ZFYVE27: variants seen among roughly 807,000 people sequenced by gnomAD.
ZFYVE27 encodes the protein protrudin.
A neutral mutation model predicts 52.8 loss-of-function variants in ZFYVE27; 36 were observed. The observed-to-expected ratio is 0.68, with a 90% CI of 0.52 to 0.90. The LOEUF (loss-of-function observed/expected upper bound fraction) is 0.90. Ranked by LOEUF, ZFYVE27 falls within the 40% of genes least tolerant of loss-of-function variation. The pLI is 0.00. For missense variants in ZFYVE27, 450 were observed against 527.2 expected (o/e 0.85, Z 1.43); for synonymous variants, 223 against 215.6 (o/e 1.03, Z -0.30).
intron 4 of ZFYVE27, among the ~76,000 whole-genome samples, chr10:97,746,039 A>G (rs1392774843): frequency 1.9e-5 from 1 of 53,978 alleles, no homozygotes; most frequent in African/African-American, 9.5e-5. Flanking sequence ...ATATATATAT[A>G]TATATATATA....
chr10:97,746,035 A>G (rs1040696287), intron 4 of ZFYVE27, among the ~76,000 whole-genome samples: 59 of 54,176 alleles, frequency 1.1e-3, no homozygotes, highest in African/African-American at 4.8e-3. Flanking sequence ...ACACATATAT[A>G]TATATATATA....
intron 6 of ZFYVE27, chr10:97,750,114 T>C: frequency 1.7e-6 from 1 of 585,082 alleles, no homozygotes; most frequent in Non-Finnish European, 3.0e-6. Flanking sequence ...TATTGAGCAT[T>C]TACTACATTT....
chr10:97,744,719 G>T lies in ZFYVE27; in HGVS notation c.269-10G>T. On this transcript the variant is annotated splice_polypyrimidine_tract_variant and intron_variant, in intron 3 of 12. Coordinates refer to ENST00000684270, the MANE Select transcript of ZFYVE27 (RefSeq NM_001385875.1). ...TACCTGTGTTACCTGCAGTGTTTTT[G>T]ATTCTGCAGGTGCATGGTACTCAGT... is the stretch of plus-strand genomic sequence containing the variant. 6.2e-7 allele frequency: 1 copy of T among 1,613,060 alleles called. No individual in the cohort carries two copies. Among genetic ancestry groups the T allele is most frequent in the South Asian group, 1.1e-5 (1 of 90,816 alleles).
intron 8 of ZFYVE27, 26 bp from the exon 9 acceptor site, chr10:97,752,831 C>G: frequency 1.9e-6 from 3 of 1,613,612 alleles, no homozygotes; most frequent in Non-Finnish European, 2.5e-6. Context: ...TGTTTTCTCT[C>G]CTCTTCCCCG....
At position 97,753,076 on chromosome 10, in the gene ZFYVE27, G is replaced by T. The variant is rs747657109; in HGVS notation, c.936G>T (p.Glu312Asp). Residue 312 changes from glutamate to aspartate, a missense_variant, in exon 10 of 13, where the codon GAG becomes GAT. Coordinates refer to ENST00000684270, the MANE Select transcript of ZFYVE27 (RefSeq NM_001385875.1). ...GCGCCCCGTGCCCAGCAGAGGATGA[G>T]CTGGCCCTGCAGGACAACGGGTTCC... ...DEGAPCPAED[E>D]LALQDNGFLS... 6.2e-7 allele frequency: 1 copy of T among 1,611,894 alleles called. No individual in the cohort carries two copies.
intron 3 of ZFYVE27, among the ~76,000 whole-genome samples, chr10:97,743,419 C>T (rs774668281): frequency 5.3e-5 from 8 of 152,198 alleles, no homozygotes; most frequent in Admixed American, 3.3e-4. Context: ...ATAAAAATGA[C>T]GCTTTCCTCC....
chr10:97,750,212 T>A, intron 6 of ZFYVE27, 119 bp from the exon 7 acceptor site: 1 of 1,308,650 alleles, frequency 7.6e-7, no homozygotes, highest in Non-Finnish European at 1.1e-6. Flanking sequence ...GTTAGGAGGG[T>A]GACTCTTTCC....
intron 7 of ZFYVE27, among the ~76,000 whole-genome samples, chr10:97,750,793 G>A (rs1396658109): frequency 2.0e-5 from 3 of 151,292 alleles, no homozygotes; most frequent in African/African-American, 7.3e-5. Flanking sequence ...CAGGCTAGAG[G>A]GCAGTGGGGC....
intron 4 of ZFYVE27, among the ~76,000 whole-genome samples, 170 bp downstream of exon 4, chr10:97,745,085 G>T (rs1299273020): frequency 6.6e-6 from 1 of 152,156 alleles, no homozygotes; most frequent in Non-Finnish European, 1.5e-5. Context: ...CCATTTATGG[G>T]TAAAGAAAAA....
chr10:97,757,135 C>G, intron 10 of ZFYVE27, 130 bp from the exon 11 acceptor site: 1 of 1,314,116 alleles, frequency 7.6e-7, no homozygotes, highest in South Asian at 1.2e-5. Flanking sequence ...TGGCCTTGCT[C>G]CCTGGCTCAC....
intron 10 of ZFYVE27, among the ~76,000 whole-genome samples, chr10:97,755,696 G>C (rs1383950098): frequency 6.6e-6 from 1 of 152,194 alleles, no homozygotes; most frequent in Non-Finnish European, 1.5e-5. Flanking sequence ...TGGATGAGGG[G>C]GTGCATGGGG....
At chr10:97,746,051 A>ATATTT (rs2045313432) in intron 4 of ZFYVE27, among the ~76,000 whole-genome samples, 2 of 64,170 alleles carry the variant, frequency 3.1e-5, no homozygotes, top group African/African-American at 4.4e-5. Context: ...ATATATATAT[A>ATATTT]TTTTTTTTTT....
chr10:97,745,171 G>GTTCGTTCT (rs1554889650), intron 4 of ZFYVE27, among the ~76,000 whole-genome samples: 8,847 of 149,532 alleles, frequency 0.059, 873 homozygotes, highest in African/African-American at 0.2. Flanking sequence ...CACAGCTTCT[G>GTTCGTTCT]TTCTTTCTTT....
intron 1 of ZFYVE27, 60 bp from the exon 2 acceptor site, chr10:97,738,417 G>A: frequency 6.3e-7 from 1 of 1,583,344 alleles, no homozygotes; most frequent in Non-Finnish European, 8.7e-7. Flanking sequence ...GAATCTGTAG[G>A]TAGAATTGTG....
intron 8 of ZFYVE27, among the ~76,000 whole-genome samples, chr10:97,752,643 G>A (rs1459035381): frequency 6.6e-6 from 1 of 152,110 alleles, no homozygotes. Context: ...CACCCAGTTT[G>A]AGAAACTGTA....
intron 4 of ZFYVE27, among the ~76,000 whole-genome samples, chr10:97,747,850 A>C (rs1005600304): frequency 6.6e-6 from 1 of 152,160 alleles, no homozygotes; most frequent in African/African-American, 2.4e-5. Context: ...AAAAAACAAC[A>C]ACCAGAACTC....
chr10:97,742,705 A>G (rs964714646), intron 2 of ZFYVE27, among the ~76,000 whole-genome samples: 16 of 152,226 alleles, frequency 1.1e-4, no homozygotes, highest in African/African-American at 3.4e-4. Context: ...TTGTGCAATG[A>G]TTATATATTC....
At chr10:97,738,695 C>G (rs1236033433) in intron 2 of ZFYVE27, 21 bp downstream of exon 2, 1 of 1,613,754 alleles carries the variant, frequency 6.2e-7, no homozygotes, top group Non-Finnish European at 8.5e-7. Flanking sequence ...TGTGGAGTTG[C>G]TCTGGTCTGC....
At chr10:97,740,827 C>G (rs1440342259) in intron 2 of ZFYVE27, among the ~76,000 whole-genome samples, 1 of 152,180 alleles carries the variant, frequency 6.6e-6, no homozygotes, top group Non-Finnish European at 1.5e-5. Flanking sequence ...GCTATTAGGT[C>G]TGAAGCCTAG....
Sources: allele counts gnomAD v4.1 joint callset (sites outside exome capture counted in the v4.1 genomes callset), GRCh38; gene constraint gnomAD v4.1.1; transcripts MANE v1.5; gene names NCBI Gene and HGNC (gene_info 2026-07-23, HGNC 2026-07-21).